Variants in CSMD3 observed in about 807,000 individuals in gnomAD.
CSMD3 encodes CUB and Sushi multiple domains 3.
A neutral mutation model predicts 435.2 loss-of-function variants in CSMD3; 177 were observed. That is an observed-to-expected ratio of 0.41 (90% confidence interval 0.36 to 0.46). The LOEUF is 0.46. CSMD3 is among the 20% of genes least tolerant of loss of function. CSMD3 has a pLI of 0.34. For synonymous variants in CSMD3, 1,656 were observed against 1,520.5 expected (o/e 1.09, Z -2.07); for missense variants, 4,265 against 4,504.6 (o/e 0.95, Z 1.52).
chr8:113,018,862 C>T (rs2086573722), intron 6 of CSMD3: 1 of 567,672 alleles, frequency 1.8e-6, no homozygotes, highest in African/African-American at 1.9e-5. Flanking sequence ...ATTCATTATT[C>T]TGAATATTAT....
intron 54 of CSMD3, among the ~76,000 whole-genome samples, chr8:112,294,469 A>C (rs1195423543): frequency 6.6e-6 from 1 of 152,154 alleles, no homozygotes; most frequent in Non-Finnish European, 1.5e-5. Context: ...GAAAAATATA[A>C]GAAAAATGTA....
intron 38 of CSMD3, among the ~76,000 whole-genome samples, chr8:112,354,632 C>G (rs1826423133): frequency 1.3e-5 from 2 of 152,104 alleles, no homozygotes; most frequent in Admixed American, 1.3e-4. Flanking sequence ...TGTAGCAATA[C>G]ATCTTATTAA....
intron 1 of CSMD3, among the ~76,000 whole-genome samples, chr8:113,420,914 A>C (rs2094606112): frequency 6.6e-6 from 1 of 151,530 alleles, no homozygotes; most frequent in Non-Finnish European, 1.5e-5. Flanking sequence ...GCCCCATTGC[A>C]CTCCAATGAG....
Position 112,313,927 on chromosome 8 carries a change from C to G in CSMD3, c.7675G>C (p.Gly2559Arg), listed in dbSNP as rs1379978678. The change falls in exon 49 of 71, where the codon GGC becomes CGC. Residue 2559 changes from glycine (G) to arginine (R), a missense_variant. Physicochemically the swap from Gly to Arg is moderately radical, Grantham distance 125 (BLOSUM62 -2). Around this residue, in one of 3 missense-constraint regions of CSMD3, gnomAD observed 3,255 missense variants for 3,380.2 expected, o/e 0.96. Transcript: ENST00000297405. Reference protein sequence around the residue: ...WSADHGNNKKGFRIRYIAFYC... With the variant: ...WSADHGNNKKRFRIRYIAFYC... ...ATACCTATATATCTTATCCGGAAGC[C>G]TTTTTTGTTATTGCCATGATCTGCT... The G allele has an allele frequency of 1.9e-6, 3 of 1,611,738 alleles. No homozygotes were observed. In the African/African-American group the frequency reaches 4.0e-5, roughly 22 times the overall value.
At chr8:112,989,029 A>G (rs2085352561) in intron 6 of CSMD3, among the ~76,000 whole-genome samples, 1 of 152,056 alleles carries the variant, frequency 6.6e-6, no homozygotes, top group Non-Finnish European at 1.5e-5. Flanking sequence ...CCAGAATTTT[A>G]GGCAACAAGA....
intron 4 of CSMD3, among the ~76,000 whole-genome samples, chr8:113,169,342 A>G (rs906357782): frequency 1.3e-5 from 2 of 152,134 alleles, no homozygotes; most frequent in African/African-American, 4.8e-5. Flanking sequence ...AATTTACCAT[A>G]CAACATCTAC....
intron 27 of CSMD3, among the ~76,000 whole-genome samples, chr8:112,548,949 T>C (rs1827434543): frequency 1.3e-5 from 2 of 152,032 alleles, no homozygotes; most frequent in South Asian, 4.1e-4. Context: ...ATATAATAAA[T>C]ATAAAAATGT....
intron 13 of CSMD3, among the ~76,000 whole-genome samples, chr8:112,743,671 T>C (rs2077365230): frequency 6.6e-6 from 1 of 152,050 alleles, no homozygotes; most frequent in Non-Finnish European, 1.5e-5. Flanking sequence ...ATTGCCTCTC[T>C]AGTAATGTGA....
chr8:112,223,853 A>G lies in CSMD3; in HGVS notation c.*918T>C, dbSNP rs573140491. The G allele has an allele frequency of 1.3e-5, 2 of 152,296 alleles. No homozygotes were observed. The highest frequency in any genetic ancestry group is 6.5e-5 in the Admixed American group (1 of 15,296). 9.4% of individuals were successfully genotyped at this position (152,296 alleles called of 1,614,324 possible). A position where few individuals can be genotyped will look rare whatever the true frequency, so the allele number is the denominator to read the frequency against. ...ACATTTTATTTGGTCGATCAAAAATATTGTAAAATAAAGGATGGTAAGTTT... is the reference window on the plus strand; with the variant it reads ...ACATTTTATTTGGTCGATCAAAAATGTTGTAAAATAAAGGATGGTAAGTTT... On this transcript the variant is annotated 3_prime_UTR_variant, in exon 71 of 71. Transcript: ENST00000297405.
At chr8:112,751,066 C>A (rs1467745221) in intron 13 of CSMD3, among the ~76,000 whole-genome samples, 2 of 68,770 alleles carry the variant, frequency 2.9e-5, no homozygotes, top group Non-Finnish European at 5.5e-5. Context: ...AGTATAGTAG[C>A]TTTGTATTAA....
chr8:113,350,042 T>C (rs930441453), intron 1 of CSMD3, among the ~76,000 whole-genome samples: 2 of 151,916 alleles, frequency 1.3e-5, no homozygotes, highest in African/African-American at 4.8e-5. Flanking sequence ...TCTAACTACT[T>C]GGTACAGAAA....
At chr8:113,365,805 G>C (rs2133021280) in intron 1 of CSMD3, among the ~76,000 whole-genome samples, 2 of 152,026 alleles carry the variant, frequency 1.3e-5, no homozygotes, top group South Asian at 4.1e-4. Flanking sequence ...ATAATCATGA[G>C]TCTCAATGTA....
chr8:112,484,195 A>G (rs190015391), intron 31 of CSMD3, among the ~76,000 whole-genome samples: 26 of 152,082 alleles, frequency 1.7e-4, no homozygotes, highest in Admixed American at 1.5e-3. Flanking sequence ...AAATGTCTAT[A>G]TTTTCTCTAG....
At chr8:112,894,772 T>C (rs528649860) in intron 10 of CSMD3, among the ~76,000 whole-genome samples, 3 of 151,470 alleles carry the variant, frequency 2.0e-5, no homozygotes, top group East Asian at 3.9e-4. Context: ...ACTACTAATG[T>C]ATTAATTGCT....
intron 31 of CSMD3, among the ~76,000 whole-genome samples, chr8:112,485,830 G>A (rs1820068959): frequency 6.6e-6 from 1 of 151,938 alleles, no homozygotes; most frequent in Non-Finnish European, 1.5e-5. Flanking sequence ...ATACTTGGAA[G>A]TTGAACAGAG....
At chr8:113,193,025 C>T (rs924895408) in intron 3 of CSMD3, among the ~76,000 whole-genome samples, 1 of 151,448 alleles carries the variant, frequency 6.6e-6, no homozygotes. Context: ...AACAGCATTT[C>T]TTTCCTATTG....
chr8:112,552,696 C>T lies in CSMD3; in HGVS notation c.4259G>A (p.Gly1420Glu), dbSNP rs2131202372. The T allele has an allele frequency of 6.2e-7, 1 of 1,611,884 alleles. No homozygotes were observed. The highest frequency in any genetic ancestry group is 2.2e-5 in the East Asian group (1 of 44,732). ...AGATAAGATTCTTCCTGATGATTCT[C>T]CTTTAAAACGACCTCCACATTCAGC... is the stretch of plus-strand genomic sequence containing the variant. ...CIAECGGRFK[G>E]ESSGRILSPG... Residue 1420 changes from glycine (G) to glutamate (E), a missense_variant, in exon 26 of 71, where the codon GGA becomes GAA. This residue lies in a region of CSMD3 where 3,255 missense variants were observed against 3,380.2 expected (regional missense o/e 0.96). Coordinates refer to ENST00000297405, the MANE Select transcript of CSMD3 (RefSeq NM_198123.2).
chr8:113,119,240 T>C (rs901377576), intron 4 of CSMD3, among the ~76,000 whole-genome samples: 4 of 152,144 alleles, frequency 2.6e-5, no homozygotes, highest in Non-Finnish European at 5.9e-5. Flanking sequence ...ATTTGGTAAA[T>C]AATGGCTAAT....
At chr8:112,699,425 T>G (rs2076336127) in intron 13 of CSMD3, among the ~76,000 whole-genome samples, 2 of 151,840 alleles carry the variant, frequency 1.3e-5, no homozygotes, top group African/African-American at 4.8e-5. Context: ...AGGAACCAAT[T>G]CCGAACACAG....
Sources: allele counts gnomAD v4.1 joint callset (sites outside exome capture counted in the v4.1 genomes callset), GRCh38; gene constraint gnomAD v4.1.1; regional missense constraint gnomAD v4.1.1; transcripts MANE v1.5; gene names NCBI Gene and HGNC (gene_info 2026-07-23, HGNC 2026-07-21).